DLC1: variants seen among roughly 807,000 people sequenced by gnomAD.
The protein encoded by DLC1 is rho GTPase-activating protein 7.
In DLC1, 54 loss-of-function variants were observed where a neutral mutation model predicts 140.3. That is an observed-to-expected ratio of 0.38 (90% confidence interval 0.31 to 0.48). The LOEUF (loss-of-function observed/expected upper bound fraction) is 0.48, where lower values mean the gene tolerates loss of function less well. DLC1 is among the 20% of genes least tolerant of loss of function. The pLI is 0.96. For synonymous variants in DLC1, 986 were observed against 728.1 expected, an observed-to-expected ratio of 1.35 and a Z score of -5.70; for missense variants, 2,536 against 1,907.0, an observed-to-expected ratio of 1.33 and a Z score of -6.14.
intron 2 of DLC1, among the ~76,000 whole-genome samples, chr8:13,451,060 A>AAAAAAAAAAAAAAAAG (rs1563357492): frequency 6.8e-6 from 1 of 148,118 alleles, no homozygotes; most frequent in East Asian, 2.0e-4. Flanking sequence ...AAAAAAAAAA[A>AAAAAAAAAAAAAAAAG]AAAAAAAAGA....
chr8:13,539,848 G>A (rs1165162485), intron 1 of DLC1, among the ~76,000 whole-genome samples: 1 of 151,604 alleles, frequency 6.6e-6, no homozygotes, highest in Admixed American at 6.6e-5. Context: ...GAGAAGGGTG[G>A]GTGTAGGACA....
intron 5 of DLC1, among the ~76,000 whole-genome samples, chr8:13,149,738 T>C (rs1464485869): frequency 6.6e-6 from 1 of 152,198 alleles, no homozygotes; most frequent in Non-Finnish European, 1.5e-5. Flanking sequence ...AGAACATCTG[T>C]ACCTAAGAAA....
Position 13,578,717 on chromosome 8 carries a change from G to C in DLC1, c.-126+25820C>G, listed in dbSNP as rs113628726. ...ATATTACAAAAGAAACAGATGAAGAGATGCACAGGGCAAGGTGTGGGGGAA... is the reference window on the plus strand; with the variant it reads ...ATATTACAAAAGAAACAGATGAAGACATGCACAGGGCAAGGTGTGGGGGAA... On this transcript the variant is annotated intron_variant, in intron 1 of 1. Transcript: ENST00000631382. 3.2e-3 allele frequency among the ~76,000 whole-genome samples: 482 copies of C among 152,270 alleles called. 4 individuals are homozygous for C. Among genetic ancestry groups the C allele is most frequent in the African/African-American group, 0.011 (464 of 41,550 alleles).
intron 5 of DLC1, among the ~76,000 whole-genome samples, chr8:13,167,278 C>G (rs1401251530): frequency 6.6e-6 from 1 of 152,024 alleles, no homozygotes; most frequent in Non-Finnish European, 1.5e-5. Flanking sequence ...TTAACATTTC[C>G]TATGTTCTTA....
Position 13,151,936 on chromosome 8 carries a change from C to G in DLC1, c.1349-36279G>C, listed in dbSNP as rs1046418177. On this transcript the variant is annotated intron_variant, in intron 5 of 17. Coordinates refer to ENST00000276297, the MANE Select transcript of DLC1 (RefSeq NM_182643.3). ...ATGAATAAATGCTGTTGCATTCAGACCCTGTTCCTGCAGGAACAGATCTCT... is the reference window on the plus strand; with the variant it reads ...ATGAATAAATGCTGTTGCATTCAGAGCCTGTTCCTGCAGGAACAGATCTCT... 2.6e-5 allele frequency among the ~76,000 whole-genome samples: 4 copies of G among 152,260 alleles called. No individual in the cohort carries two copies. In the East Asian group the frequency reaches 7.7e-4, roughly 29 times the overall value.
chr8:13,545,583 A>G (rs1315950240), intron 1 of DLC1, among the ~76,000 whole-genome samples: 3 of 151,904 alleles, frequency 2.0e-5, no homozygotes, highest in East Asian at 3.9e-4. Flanking sequence ...GTGTTGTTGA[A>G]CTCTATTTGT....
chr8:13,397,644 T>C (rs1310207293), intron 3 of DLC1, among the ~76,000 whole-genome samples: 1 of 150,414 alleles, frequency 6.6e-6, no homozygotes, highest in Non-Finnish European at 1.5e-5. Flanking sequence ...GCCTGGGCAA[T>C]GTAGAGAAAC....
chr8:13,488,814 G>C (rs1042959077), intron 2 of DLC1, among the ~76,000 whole-genome samples: 1 of 152,142 alleles, frequency 6.6e-6, no homozygotes, highest in Non-Finnish European at 1.5e-5. Flanking sequence ...CTACTAATGT[G>C]TAAACACCTT....
At chr8:13,245,410 A>G (rs1829724113) in intron 5 of DLC1, among the ~76,000 whole-genome samples, 1 of 151,894 alleles carries the variant, frequency 6.6e-6, no homozygotes, top group South Asian at 2.1e-4. Context: ...TGAGCACAAT[A>G]AGTGGTTGTT....
intron 1 of DLC1, among the ~76,000 whole-genome samples, chr8:13,536,645 T>G (rs963121623): frequency 1.3e-5 from 2 of 152,192 alleles, no homozygotes; most frequent in East Asian, 3.9e-4. Flanking sequence ...ACTGAGTTAC[T>G]TTCCCCCTGG....
chr8:13,444,862 C>G (rs1798704311), intron 2 of DLC1, among the ~76,000 whole-genome samples: 1 of 151,536 alleles, frequency 6.6e-6, no homozygotes, highest in Admixed American at 6.6e-5. Context: ...ACTGACTCCA[C>G]AAATTACACA....
At chr8:13,306,842 G>T (rs1832457617) in intron 4 of DLC1, among the ~76,000 whole-genome samples, 1 of 151,916 alleles carries the variant, frequency 6.6e-6, no homozygotes, top group South Asian at 2.1e-4. Flanking sequence ...CCAGCACTTT[G>T]GGAGGCCGAG....
intron 2 of DLC1, among the ~76,000 whole-genome samples, chr8:13,404,157 T>C (rs1837422421): frequency 6.6e-6 from 1 of 152,126 alleles, no homozygotes; most frequent in Non-Finnish European, 1.5e-5. Flanking sequence ...CAAAGTGGAA[T>C]AGGAAAAGGC....
At chr8:13,552,037 G>A (rs927589963) in intron 1 of DLC1, among the ~76,000 whole-genome samples, 1 of 138,836 alleles carries the variant, frequency 7.2e-6, no homozygotes, top group African/African-American at 2.6e-5. Flanking sequence ...ATATGTGTGT[G>A]TGTATATATA....
At chr8:13,534,401 G>A (rs912570771) in intron 1 of DLC1, among the ~76,000 whole-genome samples, 7 of 152,060 alleles carry the variant, frequency 4.6e-5, no homozygotes, top group South Asian at 4.1e-4. Context: ...TAATTCAATA[G>A]AAGGCTCAGA....
intron 1 of DLC1, among the ~76,000 whole-genome samples, chr8:13,551,131 G>T (rs1031271972): frequency 2.1e-5 from 3 of 143,532 alleles, no homozygotes; most frequent in African/African-American, 7.7e-5. Flanking sequence ...AAAACTCTTT[G>T]GAAAATATTA....
chr8:13,327,297 G>A (rs544503372), intron 4 of DLC1, among the ~76,000 whole-genome samples: 34 of 152,136 alleles, frequency 2.2e-4, no homozygotes, highest in Middle Eastern at 3.4e-3. Flanking sequence ...AGGTAGTGTG[G>A]AGTAGGCATC....
In DLC1 at chr8:13,100,050, G is replaced by C. The variant is rs747457472; in HGVS notation, c.2287C>G (p.Arg763Gly). 3 of 1,613,036 alleles carry C rather than the reference G, an allele frequency of 1.9e-6. No homozygotes were observed. The highest frequency in any genetic ancestry group is 1.7e-5 in the Admixed American group (1 of 60,004). ...VSTPSPVTRT[R>G]SLSACNKRVG... is the part of the protein sequence containing the mutation. Reference sequence around the variant, plus strand: ...CGCTTGTTGCACGCACTGAGGCTCCGGGTCCTCGTAACAGGGCTGGGCGTG... The same window carrying C: ...CGCTTGTTGCACGCACTGAGGCTCCCGGTCCTCGTAACAGGGCTGGGCGTG... Residue 763 changes from arginine to glycine, a missense_variant, in exon 9 of 18, where the codon CGG (arginine) becomes GGG (glycine). Coordinates refer to ENST00000276297, the MANE Select transcript of DLC1 (RefSeq NM_182643.3).
At chr8:13,485,840 C>T (rs999182176) in intron 2 of DLC1, among the ~76,000 whole-genome samples, 1 of 152,134 alleles carries the variant, frequency 6.6e-6, no homozygotes, top group Non-Finnish European at 1.5e-5. Flanking sequence ...TCATGCACAA[C>T]TTAGCATGCT....
Sources: gnomAD v4.1 joint callset for allele counts (sites outside exome capture counted in the v4.1 genomes callset) on GRCh38, gnomAD v4.1.1 for gene constraint, MANE v1.5 for transcripts, NCBI Gene and HGNC (gene_info 2026-07-23, HGNC 2026-07-21) for gene names.